PBX1: variants seen among roughly 807,000 people sequenced by gnomAD.
PBX1 encodes the protein PBX homeobox 1.
A neutral mutation model predicts 53.4 loss-of-function variants in PBX1; 6 were observed. That is an observed-to-expected ratio of 0.11 (90% CI 0.06 to 0.22). PBX1 has a LOEUF of 0.22. Among genes scored for constraint, PBX1 ranks in the 10% least tolerant of loss-of-function variants. The pLI, the probability that PBX1 is intolerant of heterozygous loss-of-function variation, is 1.00. For missense variants in PBX1, 251 were observed against 551.4 expected (o/e 0.46, Z 5.46); for synonymous variants, 204 against 212.3 (o/e 0.96, Z 0.34).
At chr1:164,703,015 A>T (rs912764163) in intron 2 of PBX1, 13 of 90,594 alleles carry the variant, frequency 1.4e-4, no homozygotes, top group South Asian at 5.4e-4. Flanking sequence ...TCTATTATTA[A>T]AAAAAAAGAG....
intron 2 of PBX1, among the ~76,000 whole-genome samples, chr1:164,708,588 G>A (rs1019452094): frequency 1.3e-5 from 2 of 152,018 alleles, no homozygotes; most frequent in Middle Eastern, 3.4e-3. Flanking sequence ...ATCTATTGTT[G>A]CCATCTTTAC....
rs1269932038 is a variant in PBX1, at chr1:164,847,026, GA to G, written c.*351del. 1 of 1,133,780 alleles carries G rather than the reference GA, an allele frequency of 8.8e-7. No individual in the cohort carries two copies. Among genetic ancestry groups the G allele is most frequent in the Non-Finnish European group, 1.1e-6 (1 of 921,222 alleles). The allele number at this position is 1,133,780 out of a possible 1,614,324, so 70.2% of individuals were successfully genotyped here. A position where few individuals can be genotyped will look rare whatever the true frequency, so the allele number is the denominator to read the frequency against. ...TTTTCAACAATTAGAGGAATTTAAA[GA>G]GGAAAAAAATTACAAAGAAAATAAT... On this transcript the variant is annotated 3_prime_UTR_variant, in exon 9 of 9. Coordinates refer to ENST00000420696, the MANE Select transcript of PBX1 (RefSeq NM_002585.4).
At chr1:164,677,763 C>A (rs1011115481) in intron 2 of PBX1, among the ~76,000 whole-genome samples, 1 of 151,858 alleles carries the variant, frequency 6.6e-6, no homozygotes, top group African/African-American at 2.4e-5. Context: ...TAGTAGCCAG[C>A]ACTAAGGAAG....
intron 2 of PBX1, among the ~76,000 whole-genome samples, chr1:164,589,198 G>A (rs1469124683): frequency 6.6e-6 from 1 of 152,032 alleles, no homozygotes; most frequent in Non-Finnish European, 1.5e-5. Context: ...AACTCGCCGG[G>A]CCCTTAACAA....
intron 2 of PBX1, among the ~76,000 whole-genome samples, chr1:164,866,121 T>G (rs1672210574): frequency 6.6e-6 from 1 of 152,358 alleles, no homozygotes; most frequent in South Asian, 2.1e-4. Context: ...ACTTGTACTA[T>G]TGTTTTAAAT....
chr1:164,740,652 G>C (rs1665555788), intron 2 of PBX1, among the ~76,000 whole-genome samples: 1 of 152,148 alleles, frequency 6.6e-6, no homozygotes, highest in African/African-American at 2.4e-5. Flanking sequence ...GGGATACAAA[G>C]ATGAATTCAT....
intron 2 of PBX1, among the ~76,000 whole-genome samples, chr1:164,673,325 G>T (rs77213201): frequency 9.2e-5 from 14 of 152,252 alleles, no homozygotes; most frequent in African/African-American, 3.4e-4. Flanking sequence ...TTGGAGTGGG[G>T]CTGGGAGCGC....
chr1:164,623,215 T>A (rs1657808063), intron 2 of PBX1, among the ~76,000 whole-genome samples: 1 of 152,152 alleles, frequency 6.6e-6, no homozygotes, highest in Non-Finnish European at 1.5e-5. Context: ...CACAAGAGGA[T>A]CATGACTAAT....
intron 2 of PBX1, among the ~76,000 whole-genome samples, chr1:164,651,482 A>G (rs568641216): frequency 2.3e-4 from 35 of 152,128 alleles, no homozygotes; most frequent in African/African-American, 7.5e-4. Flanking sequence ...TGTTGAGCCT[A>G]ATGAATTCCG....
intron 2 of PBX1, among the ~76,000 whole-genome samples, chr1:164,760,023 G>A (rs1017084013): frequency 2.0e-5 from 3 of 152,192 alleles, no homozygotes; most frequent in Non-Finnish European, 2.9e-5. Context: ...GCAGCCACAC[G>A]TGCTTTCTCC....
rs569350643 is a variant in PBX1 at position 164,764,592 on chromosome 1, G to A, written c.266-27902G>A. Among the ~76,000 whole-genome samples the A allele has an allele frequency of 3.3e-5, 5 of 152,268 alleles. No homozygotes were observed. The East Asian group carries it at 9.7e-4, about 29-fold the overall frequency. On this transcript the variant is annotated intron_variant, in intron 2 of 8. Coordinates refer to ENST00000420696, the MANE Select transcript of PBX1 (RefSeq NM_002585.4). ...CACATATTTTATTTAGACCACAGAT[G>A]TTCAGTCTCATAATTTAGTTGTCTT...
At chr1:164,864,666 T>C (rs1197244421) in intron 2 of PBX1, among the ~76,000 whole-genome samples, 1 of 152,170 alleles carries the variant, frequency 6.6e-6, no homozygotes, top group East Asian at 1.9e-4. Context: ...ACCTTGGCTG[T>C]CCTGCTATTG....
rs148203028 is a variant in PBX1, at chr1:164,640,179, G to A, written c.265+76868G>A. Among the ~76,000 whole-genome samples the A allele has an allele frequency of 6.0e-3, 907 of 152,242 alleles. 10 individuals are homozygous for A. Among genetic ancestry groups the A allele is most frequent in the African/African-American group, 0.02 (842 of 41,532 alleles). On this transcript the variant is annotated intron_variant, in intron 2 of 8. Coordinates refer to ENST00000420696, the MANE Select transcript of PBX1 (RefSeq NM_002585.4). The stretch of plus-strand genomic sequence containing the variant: ...GCTCCTGGAGGTCTGGATGTGCTAG[G>A]TGGGTCAGTAGGGTTGGAAGAGGGC...
intron 2 of PBX1, among the ~76,000 whole-genome samples, chr1:164,629,102 T>C (rs1038530436): frequency 2.6e-5 from 4 of 152,160 alleles, no homozygotes; most frequent in Non-Finnish European, 5.9e-5. Flanking sequence ...TCTGTGACAC[T>C]GTTTTCTCTT....
At chr1:164,754,964 G>A (rs1330501804) in intron 2 of PBX1, among the ~76,000 whole-genome samples, 1 of 152,290 alleles carries the variant, frequency 6.6e-6, no homozygotes, top group East Asian at 1.9e-4. Context: ...AGAATTAAAA[G>A]CCATATTGAT....
chr1:164,777,521 T>G (rs954923919), intron 2 of PBX1, among the ~76,000 whole-genome samples: 1 of 152,200 alleles, frequency 6.6e-6, no homozygotes, highest in African/African-American at 2.4e-5. Context: ...ACTCTGAGCA[T>G]TTTCTCACAG....
rs553844911 is a variant in PBX1, at chr1:164,846,749, C to T, written c.*73C>T. ...GGGGCAGGAGGGAGGGTTTCTCTCC[C>T]AACGCTGAAGCGGTCAGACTGGAGG... On this transcript the variant is annotated 3_prime_UTR_variant, in exon 9 of 9. Transcript: ENST00000420696. 1.2e-6 allele frequency: 2 copies of T among 1,612,158 alleles called. No homozygotes were observed. The highest frequency in any genetic ancestry group is 1.7e-5 in the Admixed American group (1 of 59,962).
rs1671775115 is a variant in PBX1 at position 164,850,387 on chromosome 1, C to T, written c.*3711C>T. ...GGAATAGTGAGCATAATAGGTACAA[C>T]CTAACACATTATTATGTTTATTAAC... On this transcript the variant is annotated 3_prime_UTR_variant, in exon 9 of 9. Coordinates refer to ENST00000420696, the MANE Select transcript of PBX1 (RefSeq NM_002585.4). The T allele has an allele frequency of 2.4e-5, 5 of 206,008 alleles. No homozygotes were observed. The highest frequency in any genetic ancestry group is 3.9e-5 in the Non-Finnish European group (4 of 101,934). 12.8% of individuals were successfully genotyped at this position (206,008 alleles called of 1,614,324 possible).
At position 164,745,767 on chromosome 1, in the gene PBX1, C is replaced by A. The variant is rs73025082; in HGVS notation, c.266-46727C>A. Among the ~76,000 whole-genome samples, 493 of 152,322 alleles carry A rather than the reference C, an allele frequency of 3.2e-3. 9 individuals carry two copies. In the South Asian group the frequency reaches 0.033, roughly 10 times the overall value. Reference sequence around the variant, plus strand: ...AGCTGAGAGCCCATCTGCGATAGGACTTTTCCAAGAGCCTTCAGAAAAGTC... The same window carrying A: ...AGCTGAGAGCCCATCTGCGATAGGAATTTTCCAAGAGCCTTCAGAAAAGTC... On this transcript the variant is annotated intron_variant, in intron 2 of 8. Transcript: ENST00000420696.
Sources: gnomAD v4.1 joint callset for allele counts (sites outside exome capture counted in the v4.1 genomes callset) on GRCh38, gnomAD v4.1.1 for gene constraint, MANE v1.5 for transcripts, NCBI Gene and HGNC (gene_info 2026-07-23, HGNC 2026-07-21) for gene names.